Variants in NTAQ1 observed in about 807,000 individuals in gnomAD.
The protein encoded by NTAQ1 is N-terminal glutamine amidase 1, also known as protein N-terminal glutamine amidohydrolase.
Under a neutral mutation model 28.2 loss-of-function variants are expected in NTAQ1, and 21 were observed. The observed-to-expected ratio is 0.74, with a 90% CI of 0.53 to 1.07. NTAQ1 has a LOEUF of 1.07. Ranked by LOEUF, NTAQ1 falls within the 50% of genes least tolerant of loss-of-function variation. The pLI, the probability that NTAQ1 is intolerant of heterozygous loss-of-function variation, is 0.00. For synonymous variants in NTAQ1, 105 were observed against 90.0 expected (o/e 1.17, Z -0.94); for missense variants, 264 against 256.6 (o/e 1.03, Z -0.20).
chr8:123,451,237 C>T (rs1464585572), downstream of NTAQ1, among the ~76,000 whole-genome samples: 3 of 152,340 alleles, frequency 2.0e-5, no homozygotes, highest in East Asian at 5.8e-4. Context: ...GGTGACGTAT[C>T]TAGAGCTGAC....
intron 2 of NTAQ1, among the ~76,000 whole-genome samples, 186 bp from the exon 3 acceptor site, chr8:123,429,797 T>C (rs566750512): frequency 1.3e-5 from 2 of 150,320 alleles, no homozygotes; most frequent in East Asian, 3.9e-4. Context: ...GGAGAATTGC[T>C]TGAACCCGGG....
chr8:123,437,712 A>C (rs1289416825), intron 5 of NTAQ1, among the ~76,000 whole-genome samples: 5 of 61,298 alleles, frequency 8.2e-5, no homozygotes, highest in Non-Finnish European at 1.4e-4. Context: ...CAAAAAAAAA[A>C]AAAAACAAAA....
downstream of NTAQ1, among the ~76,000 whole-genome samples, chr8:123,442,915 A>G (rs11784408): frequency 0.36 from 55,001 of 151,298 alleles, 10,066 homozygotes; most frequent in East Asian, 0.56. Context: ...TGATCTGCCC[A>G]CTTTCGCCTC....
At position 123,433,170 on chromosome 8, in the gene NTAQ1, A is replaced by C. The variant is rs762785842; in HGVS notation, c.234+3137A>C. 5.9e-5 allele frequency among the ~76,000 whole-genome samples: 9 copies of C among 152,198 alleles called. 1 individual carries two copies. The highest frequency in any genetic ancestry group is 6.3e-3 in the Middle Eastern group (2 of 316). ...GAGTGAGGCCGCTGCTCAAGCCTGC[A>C]TTCCTTGGCTCCTCATCTGTGCCAT... On this transcript the variant is annotated intron_variant, in intron 3 of 5. Coordinates refer to ENST00000287387, the MANE Select transcript of NTAQ1 (RefSeq NM_018024.3).
At chr8:123,455,983 A>G (rs1423780528) in intron 6 of NTAQ1, among the ~76,000 whole-genome samples, 1 of 151,918 alleles carries the variant, frequency 6.6e-6, no homozygotes, top group East Asian at 1.9e-4. Flanking sequence ...ATGTGCTAAT[A>G]CTCTTGATTT....
At chr8:123,458,238 CT>C (rs35769081) in intron 6 of NTAQ1, among the ~76,000 whole-genome samples, 42 of 144,374 alleles carry the variant, frequency 2.9e-4, no homozygotes, top group African/African-American at 5.1e-4. Context: ...GCCTGGCTAA[CT>C]TTTTTTTTTT....
At chr8:123,452,547 AG>A (rs539659499), downstream of NTAQ1, among the ~76,000 whole-genome samples, 12 of 151,532 alleles carry the variant, frequency 7.9e-5, no homozygotes, top group East Asian at 2.3e-3. Flanking sequence ...CAGTGAGCTA[AG>A]ATCGAGCCAT....
At chr8:123,427,476 G>T (rs1814133795) in intron 1 of NTAQ1, among the ~76,000 whole-genome samples, 1 of 151,824 alleles carries the variant, frequency 6.6e-6, no homozygotes, top group African/African-American at 2.4e-5. Context: ...TGGTCTCTCT[G>T]CCAGGCTGGT....
intron 3 of NTAQ1, 23 bp from the exon 4 acceptor site, chr8:123,436,430 A>C: frequency 6.2e-7 from 1 of 1,611,292 alleles, no homozygotes; most frequent in South Asian, 1.1e-5. Context: ...AACTTGGTTA[A>C]CTTCAGCAAC....
At chr8:123,419,081 G>GTTTTTTTTTTTTT (rs762479894) in intron 1 of NTAQ1, among the ~76,000 whole-genome samples, 1 of 119,920 alleles carries the variant, frequency 8.3e-6, no homozygotes, top group African/African-American at 3.4e-5. Flanking sequence ...AGCTTTGGGG[G>GTTTTTTTTTTTTT]TTTTTTTTTT....
At chr8:123,432,528 G>C (rs904600698) in intron 3 of NTAQ1, among the ~76,000 whole-genome samples, 1 of 151,854 alleles carries the variant, frequency 6.6e-6, no homozygotes, top group African/African-American at 2.4e-5. Context: ...CCAGCTACTT[G>C]GGTGCCTGAG....
chr8:123,472,959 G>C (rs943436451), downstream of NTAQ1, among the ~76,000 whole-genome samples: 3 of 152,026 alleles, frequency 2.0e-5, 1 homozygote, highest in Non-Finnish European at 4.4e-5. Flanking sequence ...AGGATGCCCT[G>C]GATATTAGTT....
chr8:123,432,203 A>G (rs1814439077), intron 3 of NTAQ1, among the ~76,000 whole-genome samples: 1 of 152,240 alleles, frequency 6.6e-6, no homozygotes, highest in Non-Finnish European at 1.5e-5. Flanking sequence ...CTAAATCAGA[A>G]AACTACATTG....
intron 1 of NTAQ1, among the ~76,000 whole-genome samples, chr8:123,426,277 T>G (rs1382439294): frequency 6.6e-6 from 1 of 152,192 alleles, no homozygotes; most frequent in Non-Finnish European, 1.5e-5. Flanking sequence ...CTGCTTCAGA[T>G]AGCCAAAGAC....
chr8:123,428,271 A>G (rs1280257000), intron 2 of NTAQ1, among the ~76,000 whole-genome samples: 1 of 152,116 alleles, frequency 6.6e-6, no homozygotes, highest in Non-Finnish European at 1.5e-5. Flanking sequence ...TTCTTGGCTC[A>G]CTGCAACCTC....
intron 6 of NTAQ1, among the ~76,000 whole-genome samples, chr8:123,458,570 A>G (rs143377913): frequency 6.6e-6 from 1 of 151,824 alleles, no homozygotes; most frequent in African/African-American, 2.4e-5. Context: ...TCATGCGAAG[A>G]GAGAAAACCT....
At chr8:123,437,702 CA>C (rs67334148) in intron 5 of NTAQ1, among the ~76,000 whole-genome samples, 41,300 of 136,206 alleles carry the variant, frequency 0.3, 5,700 homozygotes, top group Middle Eastern at 0.39. Context: ...GACTCCATCT[CA>C]AAAAAAAAAA....
At chr8:123,422,485 C>T (rs983725744) in intron 1 of NTAQ1, among the ~76,000 whole-genome samples, 1 of 151,942 alleles carries the variant, frequency 6.6e-6, no homozygotes, top group South Asian at 2.1e-4. Flanking sequence ...CTATGTTGCC[C>T]AGGCTCATCT....
chr8:123,458,728 C>T (rs1027289782), intron 6 of NTAQ1, among the ~76,000 whole-genome samples: 58 of 151,222 alleles, frequency 3.8e-4, no homozygotes, highest in Non-Finnish European at 7.2e-4. Flanking sequence ...TCACACCATT[C>T]TCCTGCCTCA....
Sources: allele counts gnomAD v4.1 joint callset (sites outside exome capture counted in the v4.1 genomes callset), GRCh38; gene constraint gnomAD v4.1.1; transcripts MANE v1.5; gene names NCBI Gene and HGNC (gene_info 2026-07-23, HGNC 2026-07-21).